The following LONP2 variants were observed in gnomAD, a reference collection of about 807,000 sequenced individuals.
LONP2 encodes the protein lon peptidase 2, peroxisomal, also known as lon protease homolog 2, peroxisomal.
In LONP2, 60 loss-of-function variants were observed where a neutral mutation model predicts 85.6. The observed-to-expected ratio is 0.70, with a 90% CI of 0.57 to 0.87. LONP2 has a LOEUF of 0.87. Among genes scored for constraint, LONP2 ranks in the 40% least tolerant of loss-of-function variants. The pLI, the probability that LONP2 is intolerant of heterozygous loss-of-function variation, is 0.00. For synonymous variants in LONP2, 395 were observed against 389.7 expected, an observed-to-expected ratio of 1.01 and a Z score of -0.16; for missense variants, 860 against 1,063.5, an observed-to-expected ratio of 0.81 and a Z score of 2.66.
At chr16:48,256,474 C>T (rs1408531979) in intron 2 of LONP2, 136 bp from the exon 3 acceptor site, 7 of 810,682 alleles carry the variant, frequency 8.6e-6, no homozygotes, top group South Asian at 4.8e-5. Context: ...CTGTAAAATA[C>T]GTGGACTATA....
chr16:48,263,405 C>T (rs1172069423), intron 6 of LONP2, among the ~76,000 whole-genome samples: 1 of 152,168 alleles, frequency 6.6e-6, no homozygotes, highest in Non-Finnish European at 1.5e-5. Context: ...ATGAGTTTCA[C>T]TATTTTAGAT....
intron 14 of LONP2, among the ~76,000 whole-genome samples, chr16:48,351,171 G>A (rs973177384): frequency 1.3e-5 from 2 of 152,168 alleles, no homozygotes; most frequent in African/African-American, 2.4e-5. Context: ...TGTAGAGAGG[G>A]AAGTAACCCC....
At chr16:48,307,559 A>G (rs1972937678) in intron 11 of LONP2, among the ~76,000 whole-genome samples, 1 of 152,228 alleles carries the variant, frequency 6.6e-6, no homozygotes, top group African/African-American at 2.4e-5. Context: ...AGTCCTTATA[A>G]AGTTTCTCAT....
chr16:48,281,323 ATTAC>A (rs1972322776), intron 8 of LONP2, among the ~76,000 whole-genome samples: 1 of 152,138 alleles, frequency 6.6e-6, no homozygotes, highest in Admixed American at 6.5e-5. Flanking sequence ...ATTTCAAGTT[ATTAC>A]TTAATATTGT....
intron 6 of LONP2, among the ~76,000 whole-genome samples, chr16:48,264,148 A>C (rs1162035222): frequency 1.3e-5 from 2 of 152,200 alleles, no homozygotes; most frequent in African/African-American, 4.8e-5. Context: ...TTCGGGCACC[A>C]TTGTCACTGA....
chr16:48,358,548 C>T (rs144933699), downstream of LONP2, among the ~76,000 whole-genome samples: 160 of 152,236 alleles, frequency 1.1e-3, no homozygotes, highest in African/African-American at 3.6e-3. Flanking sequence ...GTGGCTGGAG[C>T]CAGCTGCTCA....
chr16:48,267,538 G>GATCT (rs1972015993), intron 6 of LONP2, among the ~76,000 whole-genome samples: 1 of 151,996 alleles, frequency 6.6e-6, no homozygotes, highest in Admixed American at 6.6e-5. Flanking sequence ...GGCCTCAAGT[G>GATCT]ATCTGCCTGC....
intron 8 of LONP2, among the ~76,000 whole-genome samples, chr16:48,288,519 G>A (rs1234221580): frequency 6.6e-6 from 1 of 152,134 alleles, no homozygotes; most frequent in Non-Finnish European, 1.5e-5. Flanking sequence ...TAGCTTTGAA[G>A]ACCAAACAGA....
intron 12 of LONP2, among the ~76,000 whole-genome samples, chr16:48,346,429 C>G (rs1567353294): frequency 6.6e-6 from 1 of 152,132 alleles, no homozygotes; most frequent in Non-Finnish European, 1.5e-5. Context: ...CAACTATGCT[C>G]CTAGTCTCAG....
chr16:48,359,573 G>A (rs572199248), downstream of LONP2, among the ~76,000 whole-genome samples: 16 of 152,168 alleles, frequency 1.1e-4, no homozygotes, highest in East Asian at 2.7e-3. Context: ...AAAATTGGCC[G>A]GGCATGGTGG....
intron 11 of LONP2, among the ~76,000 whole-genome samples, chr16:48,325,814 T>A (rs948081811): frequency 6.6e-6 from 1 of 152,222 alleles, no homozygotes; most frequent in African/African-American, 2.4e-5. Context: ...AACTTTTAGA[T>A]TTTGAGAAAC....
chr16:48,286,534 G>A (rs1273924342), intron 8 of LONP2, among the ~76,000 whole-genome samples: 4 of 150,906 alleles, frequency 2.7e-5, no homozygotes, highest in Non-Finnish European at 5.9e-5. Context: ...ACAGGGTCTC[G>A]CTCTGTCACC....
chr16:48,258,229 C>A (rs1406456448), intron 3 of LONP2, among the ~76,000 whole-genome samples: 8 of 151,984 alleles, frequency 5.3e-5, no homozygotes, highest in Admixed American at 5.2e-4. Context: ...TGCCTGTAGT[C>A]CCAGTTACTC....
intron 11 of LONP2, among the ~76,000 whole-genome samples, chr16:48,318,520 A>G (rs1292484610): frequency 6.6e-6 from 1 of 152,226 alleles, no homozygotes; most frequent in Non-Finnish European, 1.5e-5. Context: ...CTCTGCCTCA[A>G]AAAAAGAAAG....
intron 8 of LONP2, among the ~76,000 whole-genome samples, chr16:48,285,642 C>T (rs1199365556): frequency 6.6e-6 from 1 of 152,056 alleles, no homozygotes; most frequent in African/African-American, 2.4e-5. Context: ...GTGAATTTTT[C>T]ATTCAAATTA....
At chr16:48,276,677 G>T (rs891554882) in intron 7 of LONP2, among the ~76,000 whole-genome samples, 2 of 152,150 alleles carry the variant, frequency 1.3e-5, no homozygotes, top group Non-Finnish European at 2.9e-5. Context: ...CTGGCTGAAC[G>T]TGGTTATTGC....
At chr16:48,284,773 C>A (rs1049999717) in intron 8 of LONP2, among the ~76,000 whole-genome samples, 2 of 152,052 alleles carry the variant, frequency 1.3e-5, no homozygotes, top group Non-Finnish European at 2.9e-5. Context: ...CCCACAGTGT[C>A]TCTGAGGTAT....
chr16:48,332,223 T>C (rs1959476705), intron 11 of LONP2, among the ~76,000 whole-genome samples: 1 of 152,180 alleles, frequency 6.6e-6, no homozygotes, highest in African/African-American at 2.4e-5. Context: ...TAATCACTTT[T>C]GAAAGGAAAG....
chr16:48,265,014 T>G (rs770645551), intron 6 of LONP2, among the ~76,000 whole-genome samples: 3 of 152,176 alleles, frequency 2.0e-5, no homozygotes, highest in Non-Finnish European at 4.4e-5. Context: ...TGCTTTCTCA[T>G]TGTGGTTTTG....
Sources: gnomAD v4.1 joint callset for allele counts (sites outside exome capture counted in the v4.1 genomes callset) on GRCh38, gnomAD v4.1.1 for gene constraint, MANE v1.5 for transcripts, NCBI Gene and HGNC (gene_info 2026-07-23, HGNC 2026-07-21) for gene names.